The following NAALADL2 variants were observed in gnomAD, a reference collection of about 807,000 sequenced individuals.
The protein encoded by NAALADL2 is N-acetylated alpha-linked acidic dipeptidase like 2.
A neutral mutation model predicts 87.2 loss-of-function variants in NAALADL2; 76 were observed. The observed-to-expected ratio is 0.87, with a 90% CI of 0.72 to 1.05. The LOEUF is 1.05. Ranked by LOEUF, NAALADL2 falls within the 50% of genes least tolerant of loss-of-function variation. The probability of loss-of-function intolerance (pLI) is 0.00; values close to 1 mark genes in which losing one functional copy is unlikely to be tolerated. For missense variants in NAALADL2, 1,089 were observed against 945.8 expected (o/e 1.15, Z -1.99); for synonymous variants, 354 against 331.0 (o/e 1.07, Z -0.75).
chr3:175,061,444 T>C (rs1233494921), intron 1 of NAALADL2, among the ~76,000 whole-genome samples: 3 of 152,178 alleles, frequency 2.0e-5, no homozygotes, highest in African/African-American at 7.2e-5. Context: ...GTGCTGGATG[T>C]TTTCCTGTTT....
intron 11 of NAALADL2, among the ~76,000 whole-genome samples, chr3:175,736,077 A>G (rs1744462602): frequency 6.6e-6 from 1 of 152,082 alleles, no homozygotes; most frequent in Non-Finnish European, 1.5e-5. Context: ...AATATCACTT[A>G]TGAGAGAGAG....
At chr3:174,989,584 TAAG>T (rs951749721) in intron 1 of NAALADL2, among the ~76,000 whole-genome samples, 2 of 152,132 alleles carry the variant, frequency 1.3e-5, no homozygotes, top group African/African-American at 4.8e-5. Context: ...GACAAGGTGA[TAAG>T]AATGAGCTCT....
At chr3:174,622,813 G>A (rs1356277017) in intron 2 of NAALADL2, among the ~76,000 whole-genome samples, 1 of 152,150 alleles carries the variant, frequency 6.6e-6, no homozygotes, top group African/African-American at 2.4e-5. Flanking sequence ...GGCCGAGGCG[G>A]GCGAATCACG....
chr3:174,824,755 A>G (rs182563327), intron 3 of NAALADL2, among the ~76,000 whole-genome samples: 1 of 152,330 alleles, frequency 6.6e-6, no homozygotes, highest in African/African-American at 2.4e-5. Context: ...GCTGACATTC[A>G]TTATGTCTGT....
At chr3:174,888,531 C>G (rs781369969) in intron 1 of NAALADL2, among the ~76,000 whole-genome samples, 1 of 152,246 alleles carries the variant, frequency 6.6e-6, no homozygotes, top group East Asian at 1.9e-4. Context: ...TTATTCCATC[C>G]CATATTTCTA....
chr3:175,610,288 A>C (rs1724435879), intron 10 of NAALADL2, among the ~76,000 whole-genome samples: 1 of 152,152 alleles, frequency 6.6e-6, no homozygotes, highest in Non-Finnish European at 1.5e-5. Context: ...GCATTTATCT[A>C]CATTTCTGTG....
chr3:175,065,228 T>C (rs1353086826), intron 1 of NAALADL2, among the ~76,000 whole-genome samples: 3 of 152,136 alleles, frequency 2.0e-5, no homozygotes, highest in Non-Finnish European at 4.4e-5. Flanking sequence ...GACCCACATT[T>C]AGGAGACGCT....
intron 1 of NAALADL2, among the ~76,000 whole-genome samples, chr3:174,974,332 TTTAA>T (rs1198943492): frequency 2.6e-5 from 4 of 152,198 alleles, no homozygotes; most frequent in Admixed American, 6.5e-5. Context: ...ACAATTTTCT[TTTAA>T]TTGTTTTAAT....
At chr3:174,781,053 G>A (rs941891500) in intron 3 of NAALADL2, among the ~76,000 whole-genome samples, 11 of 152,000 alleles carry the variant, frequency 7.2e-5, no homozygotes, top group African/African-American at 2.7e-4. Flanking sequence ...AGTTTGGCTG[G>A]ATATGAAATT....
At chr3:175,294,874 T>A (rs187553902) in intron 4 of NAALADL2, among the ~76,000 whole-genome samples, 59 of 152,296 alleles carry the variant, frequency 3.9e-4, no homozygotes, top group African/African-American at 1.4e-3. Flanking sequence ...CTGCCATGCA[T>A]GTGAGTCGCT....
At chr3:174,678,882 G>A (rs1473220794) in intron 2 of NAALADL2, among the ~76,000 whole-genome samples, 1 of 152,098 alleles carries the variant, frequency 6.6e-6, no homozygotes, top group Non-Finnish European at 1.5e-5. Context: ...TGTTGCTCTG[G>A]AGAAGTCAAC....
intron 5 of NAALADL2, among the ~76,000 whole-genome samples, chr3:175,440,139 C>T (rs1281908154): frequency 2.6e-5 from 4 of 152,100 alleles, no homozygotes; most frequent in African/African-American, 4.8e-5. Flanking sequence ...TTGTTGAATA[C>T]GGTGCCCTTC....
chr3:175,051,522 A>C (rs908003411), intron 1 of NAALADL2, among the ~76,000 whole-genome samples: 1 of 152,184 alleles, frequency 6.6e-6, no homozygotes, highest in South Asian at 2.1e-4. Flanking sequence ...CCCCTGTTCC[A>C]TAGCTTCTGC....
intron 9 of NAALADL2, among the ~76,000 whole-genome samples, chr3:175,531,918 G>T (rs541146913): frequency 6.6e-6 from 1 of 152,304 alleles, no homozygotes; most frequent in African/African-American, 2.4e-5. Context: ...CGTCCTTGAT[G>T]GTGGTGCTAA....
intron 1 of NAALADL2, among the ~76,000 whole-genome samples, chr3:174,970,774 C>A (rs529493714): frequency 1.3e-5 from 2 of 152,254 alleles, no homozygotes; most frequent in South Asian, 4.1e-4. Flanking sequence ...ATGATATGGT[C>A]TAAATCATAC....
At chr3:175,250,934 A>G (rs1047122950) in intron 3 of NAALADL2, among the ~76,000 whole-genome samples, 1 of 152,298 alleles carries the variant, frequency 6.6e-6, no homozygotes. Flanking sequence ...GTTGATAAAC[A>G]ACATCTTTGT....
chr3:175,222,476 T>A (rs6768672), intron 2 of NAALADL2, among the ~76,000 whole-genome samples: 49 of 152,228 alleles, frequency 3.2e-4, no homozygotes, highest in African/African-American at 1.1e-3. Context: ...TGTTTCCTAC[T>A]CAGCTATTTT....
At chr3:174,970,801 A>G (rs1579789669) in intron 1 of NAALADL2, among the ~76,000 whole-genome samples, 1 of 152,182 alleles carries the variant, frequency 6.6e-6, no homozygotes, top group Admixed American at 6.5e-5. Context: ...ATATGGTCTC[A>G]TTAACCCTTT....
At chr3:174,565,333 C>T (rs1714129052) in intron 2 of NAALADL2, among the ~76,000 whole-genome samples, 1 of 151,970 alleles carries the variant, frequency 6.6e-6, no homozygotes, top group African/African-American at 2.4e-5. Flanking sequence ...TTCATTCTTG[C>T]CTCCCTTCCC....
Sources: gnomAD v4.1 joint callset for allele counts (sites outside exome capture counted in the v4.1 genomes callset) on GRCh38, gnomAD v4.1.1 for gene constraint, MANE v1.5 for transcripts, NCBI Gene and HGNC (gene_info 2026-07-23, HGNC 2026-07-21) for gene names.